The following UBE2E3 variants were observed in gnomAD, a reference collection of about 807,000 sequenced individuals.
UBE2E3 encodes the protein ubiquitin conjugating enzyme E2 E3.
In UBE2E3, 5 loss-of-function variants were observed where a neutral mutation model predicts 23.6. The ratio of observed to expected loss-of-function variants is 0.21; its 90% CI spans 0.11 to 0.44. UBE2E3 has a LOEUF of 0.44. Ranked by LOEUF, UBE2E3 falls within the 20% of genes least tolerant of loss-of-function variation. The probability of loss-of-function intolerance (pLI) is 0.99; values close to 1 mark genes in which losing one functional copy is unlikely to be tolerated. For missense variants in UBE2E3, 81 were observed against 249.8 expected (o/e 0.32, Z 4.55); for synonymous variants, 78 against 87.5 (o/e 0.89, Z 0.60).
At chr2:180,984,849 C>T (rs1376337036) in intron 3 of UBE2E3, among the ~76,000 whole-genome samples, 5 of 151,312 alleles carry the variant, frequency 3.3e-5, no homozygotes, top group African/African-American at 7.3e-5. Context: ...ATTTGTATAG[C>T]GCTCTATTCT....
At position 181,011,245 on chromosome 2, in the gene UBE2E3, A is replaced by G. The variant is rs73974703; in HGVS notation, c.245+27152A>G. Reference sequence around the variant, plus strand: ...TGTTATGGAGGCTAGAAAATCCAATATCAGGGTGCTGGCAGGACCTTCTTT... The same window carrying G: ...TGTTATGGAGGCTAGAAAATCCAATGTCAGGGTGCTGGCAGGACCTTCTTT... On this transcript the variant is annotated intron_variant, in intron 3 of 5. Coordinates refer to ENST00000410062, the MANE Select transcript of UBE2E3 (RefSeq NM_006357.4). Among the ~76,000 whole-genome samples, 126 of 152,220 alleles carry G rather than the reference A, an allele frequency of 8.3e-4. 1 individual carries two copies. Among genetic ancestry groups the G allele is most frequent in the African/African-American group, 2.8e-3 (116 of 41,526 alleles).
chr2:181,032,736 C>A (rs1686122548), intron 3 of UBE2E3, among the ~76,000 whole-genome samples: 3 of 152,122 alleles, frequency 2.0e-5, no homozygotes, highest in Admixed American at 1.3e-4. Flanking sequence ...CCAACTGATT[C>A]AGAACCACTG....
At chr2:181,010,821 T>C (rs1685302851) in intron 3 of UBE2E3, among the ~76,000 whole-genome samples, 1 of 152,114 alleles carries the variant, frequency 6.6e-6, no homozygotes, top group Non-Finnish European at 1.5e-5. Context: ...CTTTTTTTTT[T>C]TTTTACATTT....
At chr2:181,023,134 G>A (rs999823940) in intron 3 of UBE2E3, among the ~76,000 whole-genome samples, 2 of 152,140 alleles carry the variant, frequency 1.3e-5, no homozygotes, top group Admixed American at 6.5e-5. Flanking sequence ...GTGGGGCCGC[G>A]CCCCAATAAA....
intron 3 of UBE2E3, among the ~76,000 whole-genome samples, chr2:181,014,576 G>A (rs1685430769): frequency 6.6e-6 from 1 of 152,294 alleles, no homozygotes; most frequent in African/African-American, 2.4e-5. Context: ...TGAGAGATTG[G>A]AAGAAAACAA....
intron 3 of UBE2E3, among the ~76,000 whole-genome samples, chr2:181,015,179 T>C (rs1234728024): frequency 6.6e-6 from 1 of 152,148 alleles, no homozygotes; most frequent in Non-Finnish European, 1.5e-5. Context: ...AAGGGTGGAA[T>C]CCTATACATG....
chr2:181,041,064 A>T (rs923849711), intron 3 of UBE2E3, among the ~76,000 whole-genome samples: 1 of 151,970 alleles, frequency 6.6e-6, no homozygotes, highest in African/African-American at 2.4e-5. Context: ...CCTGGCCAGC[A>T]TGATGAAACC....
intron 3 of UBE2E3, among the ~76,000 whole-genome samples, chr2:181,023,182 C>G (rs1394505335): frequency 1.3e-5 from 2 of 152,158 alleles, no homozygotes. Flanking sequence ...GTAGAAACAT[C>G]AGGAACCATC....
At chr2:181,009,043 A>G (rs1427937098) in intron 3 of UBE2E3, among the ~76,000 whole-genome samples, 1 of 152,180 alleles carries the variant, frequency 6.6e-6, no homozygotes, top group Non-Finnish European at 1.5e-5. Context: ...ATTCTAAAAC[A>G]ACATAAACAG....
At chr2:181,008,961 A>G (rs1048472830) in intron 3 of UBE2E3, among the ~76,000 whole-genome samples, 1 of 151,032 alleles carries the variant, frequency 6.6e-6, no homozygotes, top group African/African-American at 2.4e-5. Flanking sequence ...TTTCATGGGA[A>G]TGTAAAATTA....
chr2:181,011,022 A>ATT (rs2105607710), intron 3 of UBE2E3, among the ~76,000 whole-genome samples: 1 of 152,164 alleles, frequency 6.6e-6, no homozygotes, highest in Admixed American at 6.5e-5. Context: ...GACTTATCTA[A>ATT]TATAAGCCCT....
At chr2:181,059,618 A>T (rs1045000448) in intron 4 of UBE2E3, among the ~76,000 whole-genome samples, 3 of 151,440 alleles carry the variant, frequency 2.0e-5, no homozygotes, top group African/African-American at 7.3e-5. Flanking sequence ...TTTGGTACTA[A>T]CTCTTTGAAA....
intron 3 of UBE2E3, among the ~76,000 whole-genome samples, chr2:180,990,387 C>T (rs187962563): frequency 1.7e-3 from 259 of 152,308 alleles, no homozygotes; most frequent in African/African-American, 5.6e-3. Flanking sequence ...ATATTTGTTC[C>T]TGTACTTTGC....
intron 3 of UBE2E3, among the ~76,000 whole-genome samples, chr2:181,027,479 T>C (rs1399248844): frequency 2.6e-5 from 4 of 151,970 alleles, no homozygotes; most frequent in Non-Finnish European, 1.5e-5. Flanking sequence ...CAGGAATTCT[T>C]AGATGTAAAG....
intron 3 of UBE2E3, among the ~76,000 whole-genome samples, chr2:181,010,537 T>G (rs1574178961): frequency 1.3e-5 from 2 of 152,178 alleles, no homozygotes; most frequent in East Asian, 3.8e-4. Context: ...ATTCTGCCTA[T>G]CCTCCTGAAT....
chr2:180,986,109 G>A (rs1258867155), intron 3 of UBE2E3, among the ~76,000 whole-genome samples: 2 of 152,004 alleles, frequency 1.3e-5, no homozygotes, highest in African/African-American at 4.8e-5. Context: ...AAAACTTTGG[G>A]CTTTCTGTGA....
At chr2:180,987,362 C>T (rs1684512266) in intron 3 of UBE2E3, 1 of 1,550,054 alleles carries the variant, frequency 6.5e-7, no homozygotes, top group Non-Finnish European at 8.7e-7. Flanking sequence ...CTCTCCTAGT[C>T]ACCACTTGTG....
chr2:181,009,429 G>A (rs78369167), intron 3 of UBE2E3, among the ~76,000 whole-genome samples: 4,232 of 152,048 alleles, frequency 0.028, 100 homozygotes, highest in African/African-American at 0.055. Context: ...TTACAGTAAT[G>A]TTTTACTAAC....
At chr2:181,033,821 A>G (rs1686171205) in intron 3 of UBE2E3, among the ~76,000 whole-genome samples, 2 of 152,250 alleles carry the variant, frequency 1.3e-5, no homozygotes, top group African/African-American at 4.8e-5. Flanking sequence ...AAAGAACTCA[A>G]ACAAATTTAG....
Sources: gnomAD v4.1 joint callset for allele counts (sites outside exome capture counted in the v4.1 genomes callset) on GRCh38, gnomAD v4.1.1 for gene constraint, MANE v1.5 for transcripts, NCBI Gene and HGNC (gene_info 2026-07-23, HGNC 2026-07-21) for gene names.